TENM3: variants seen among roughly 807,000 people sequenced by gnomAD.
The protein encoded by TENM3 is teneurin-3.
A neutral mutation model predicts 255.1 loss-of-function variants in TENM3; 63 were observed. That is an observed-to-expected ratio of 0.25 (90% confidence interval 0.20 to 0.30). The LOEUF (loss-of-function observed/expected upper bound fraction) is 0.30, where lower values mean the gene tolerates loss of function less well. Among genes scored for constraint, TENM3 ranks in the 10% least tolerant of loss-of-function variants. The pLI, the probability that TENM3 is intolerant of heterozygous loss-of-function variation, is 1.00. For missense variants in TENM3, 2,929 were observed against 3,461.1 expected (o/e 0.85, Z 3.86); for synonymous variants, 1,306 against 1,322.3 (o/e 0.99, Z 0.27).
the TENM3 span, among the ~76,000 whole-genome samples, chr4:181,961,675 T>C: frequency 6.6e-6 from 1 of 152,174 alleles, no homozygotes; most frequent in Non-Finnish European, 1.5e-5. Flanking sequence ...CACCTTGGCC[T>C]CCCAAGATAA....
chr4:182,063,050 A>G, the TENM3 span, among the ~76,000 whole-genome samples: 12 of 152,232 alleles, frequency 7.9e-5, no homozygotes, highest in Non-Finnish European at 1.5e-4. Flanking sequence ...TAAATGAACA[A>G]TCACAAAGAA....
intron 3 of TENM3, among the ~76,000 whole-genome samples, chr4:182,562,104 A>G (rs1318103724): frequency 1.3e-5 from 2 of 152,180 alleles, no homozygotes; most frequent in African/African-American, 2.4e-5. Flanking sequence ...CAAACTTAAT[A>G]TAAAGATAGA....
At chr4:181,604,243 C>T in the TENM3 span, among the ~76,000 whole-genome samples, 80 of 151,888 alleles carry the variant, frequency 5.3e-4, no homozygotes, top group African/African-American at 1.8e-3. Context: ...CCAGCCTGGG[C>T]GACAGAGCGA....
the TENM3 span, among the ~76,000 whole-genome samples, chr4:181,661,640 A>G: frequency 6.6e-6 from 1 of 152,122 alleles, no homozygotes; most frequent in African/African-American, 2.4e-5. Flanking sequence ...ACTATCATTA[A>G]AATTCAGAAA....
At chr4:182,180,570 G>A (rs1234213433) in intron 1 of TENM3, among the ~76,000 whole-genome samples, 5 of 151,456 alleles carry the variant, frequency 3.3e-5, no homozygotes, top group Non-Finnish European at 5.9e-5. Flanking sequence ...AAATGGCCAG[G>A]CTTTTTTAAC....
chr4:181,776,620 G>A, the TENM3 span, among the ~76,000 whole-genome samples: 1 of 151,966 alleles, frequency 6.6e-6, no homozygotes, highest in African/African-American at 2.4e-5. Flanking sequence ...TATTCTTACT[G>A]CATTAAAATG....
the TENM3 span, among the ~76,000 whole-genome samples, chr4:182,053,802 G>A: frequency 1.6e-4 from 25 of 152,134 alleles, no homozygotes; most frequent in African/African-American, 5.8e-4. Flanking sequence ...GGCTTGGCCT[G>A]ATATGAACCT....
At chr4:181,963,847 C>T in the TENM3 span, among the ~76,000 whole-genome samples, 1 of 152,068 alleles carries the variant, frequency 6.6e-6, no homozygotes, top group East Asian at 1.9e-4. Context: ...TAAAGAGTCC[C>T]GTGTGTTGTA....
the TENM3 span, among the ~76,000 whole-genome samples, chr4:181,676,228 G>A: frequency 1.3e-5 from 2 of 152,024 alleles, no homozygotes; most frequent in Non-Finnish European, 2.9e-5. Flanking sequence ...AATTGCTGTT[G>A]ATATTGGATT....
At chr4:181,452,084 T>G in the TENM3 span, among the ~76,000 whole-genome samples, 1 of 151,974 alleles carries the variant, frequency 6.6e-6, no homozygotes, top group Non-Finnish European at 1.5e-5. Context: ...CGCGGTGAGA[T>G]GAAGATTATG....
intron 1 of TENM3, among the ~76,000 whole-genome samples, chr4:182,150,134 A>T (rs770532098): frequency 3.9e-5 from 6 of 151,966 alleles, no homozygotes; most frequent in Non-Finnish European, 8.8e-5. Context: ...TCATATTAAT[A>T]ATAACCAGCT....
chr4:182,242,103 C>T (rs543617350), upstream of TENM3, among the ~76,000 whole-genome samples: 3 of 78,082 alleles, frequency 3.8e-5, no homozygotes, highest in South Asian at 8.3e-4. Flanking sequence ...TACATGTGCA[C>T]AAGGTGCAGG....
At chr4:181,867,140 C>T in the TENM3 span, among the ~76,000 whole-genome samples, 1 of 152,186 alleles carries the variant, frequency 6.6e-6, no homozygotes, top group African/African-American at 2.4e-5. Flanking sequence ...TTTCTAATTT[C>T]ACCGTGGAAT....
At chr4:182,612,359 A>C (rs1439170821) in intron 4 of TENM3, among the ~76,000 whole-genome samples, 1 of 152,072 alleles carries the variant, frequency 6.6e-6, no homozygotes, top group Non-Finnish European at 1.5e-5. Context: ...ACACACACAG[A>C]GTTTCAGCAG....
chr4:182,101,370 A>G, the TENM3 span, among the ~76,000 whole-genome samples: 1 of 149,824 alleles, frequency 6.7e-6, no homozygotes, highest in Non-Finnish European at 1.5e-5. Context: ...GAGGGAGGGA[A>G]GGAAGGAAGG....
At chr4:182,250,476 A>G (rs1757945684) in intron 1 of TENM3, among the ~76,000 whole-genome samples, 1 of 152,136 alleles carries the variant, frequency 6.6e-6, no homozygotes, top group South Asian at 2.1e-4. Flanking sequence ...AACTTACCTA[A>G]GGTAACACAA....
At chr4:181,638,128 T>A in the TENM3 span, among the ~76,000 whole-genome samples, 15 of 152,356 alleles carry the variant, frequency 9.8e-5, no homozygotes, top group South Asian at 3.1e-3. Context: ...CTTTTAAAAA[T>A]TGGTTTATTC....
chr4:181,485,455 A>G, the TENM3 span, among the ~76,000 whole-genome samples: 1 of 151,442 alleles, frequency 6.6e-6, no homozygotes, highest in Non-Finnish European at 1.5e-5. Context: ...TTTATATTAG[A>G]TGTACTAAAG....
chr4:181,698,169 A>C, the TENM3 span, among the ~76,000 whole-genome samples: 2 of 150,652 alleles, frequency 1.3e-5, no homozygotes, highest in Non-Finnish European at 2.9e-5. Context: ...AGCCGAGATC[A>C]CGCCACTGCA....
Sources: allele counts gnomAD v4.1 joint callset (sites outside exome capture counted in the v4.1 genomes callset), GRCh38; gene constraint gnomAD v4.1.1; transcripts MANE v1.5; gene names NCBI Gene and HGNC (gene_info 2026-07-23, HGNC 2026-07-21).